The following HEMK1 variants were observed in gnomAD, a reference collection of about 807,000 sequenced individuals.
HEMK1 encodes HemK methyltransferase 1, mitochondrial release factors N(5)-glutamine.
Under a neutral mutation model 47.9 loss-of-function variants are expected in HEMK1, and 36 were observed. That is an observed-to-expected ratio of 0.75 (90% CI 0.58 to 0.99). HEMK1 has a LOEUF of 0.99. Ranked by LOEUF, HEMK1 falls within the 50% of genes least tolerant of loss-of-function variation. HEMK1 has a pLI of 0.00. For missense variants in HEMK1, 383 were observed against 434.5 expected (o/e 0.88, Z 1.05); for synonymous variants, 153 against 165.4 (o/e 0.93, Z 0.57).
At chr3:50,569,379 G>A (rs1700619899), upstream of HEMK1, 1 of 152,308 alleles carries the variant, frequency 6.6e-6, no homozygotes. Flanking sequence ...CCCATCCGCA[G>A]GGGTCTCCTG....
In HEMK1 at chr3:50,590,677, C is replaced by G. The variant is rs2031674992; in HGVS notation, c.*10260C>G. ...GAGGTCTGCCCCAACTGCTCCAGCCCCCATAGCCTGAGGCTCCCGGCACCT... is the reference window on the plus strand; with the variant it reads ...GAGGTCTGCCCCAACTGCTCCAGCCGCCATAGCCTGAGGCTCCCGGCACCT... On this transcript the variant is annotated 3_prime_UTR_variant, in exon 11 of 11. Transcript: ENST00000232854. The G allele has an allele frequency of 6.6e-6, 1 of 152,272 alleles. No individual in the cohort carries two copies. The highest frequency in any genetic ancestry group is 2.4e-5 in the African/African-American group (1 of 41,428). The allele number at this position is 152,272 out of a possible 1,614,324, so 9.4% of individuals were successfully genotyped here.
intron 4 of HEMK1, 93 bp from the exon 5 acceptor site, chr3:50,576,959 T>C: frequency 6.7e-7 from 1 of 1,486,826 alleles, no homozygotes; most frequent in Non-Finnish European, 9.2e-7. Context: ...CTCCCCTTCC[T>C]ACGTTCACAA....
rs2107528164 is a variant in HEMK1, at chr3:50,586,262, T to G, written c.*5845T>G. On this transcript the variant is annotated 3_prime_UTR_variant, in exon 11 of 11. Transcript: ENST00000232854. ...AAGCTTCAAATTCTAGAGGCCCCTTTTCTTCCAAAGACTACCTCTCACACA... is the reference window on the plus strand; with the variant it reads ...AAGCTTCAAATTCTAGAGGCCCCTTGTCTTCCAAAGACTACCTCTCACACA... 1 of 152,386 alleles carries G rather than the reference T, an allele frequency of 6.6e-6. No individual in the cohort carries two copies. The highest frequency in any genetic ancestry group is 2.1e-4 in the South Asian group (1 of 4,832). The allele number at this position is 152,386 out of a possible 1,614,324, so 9.4% of individuals were successfully genotyped here. A position where few individuals can be genotyped will look rare whatever the true frequency, so the allele number is the denominator to read the frequency against.
At chr3:50,577,746 G>T (rs1240151816) in intron 6 of HEMK1, 80 bp from the exon 7 acceptor site, 1 of 1,495,058 alleles carries the variant, frequency 6.7e-7, no homozygotes, top group African/African-American at 1.4e-5. Context: ...GTCCAAGAAG[G>T]GTTGACTATA....
chr3:50,577,242 A>C, intron 5 of HEMK1, 56 bp downstream of exon 5: 4 of 1,556,940 alleles, frequency 2.6e-6, no homozygotes, highest in Non-Finnish European at 1.7e-6. Flanking sequence ...TGTCCCTCCC[A>C]TTAGTGCTTC....
intron 4 of HEMK1, among the ~76,000 whole-genome samples, chr3:50,574,325 G>T (rs1410060404): frequency 6.6e-6 from 1 of 152,186 alleles, no homozygotes; most frequent in Non-Finnish European, 1.5e-5. Context: ...TGGACTCCTT[G>T]GGCTGTTATC....
intron 2 of HEMK1, 32 bp downstream of exon 2, chr3:50,571,364 G>A (rs759089295): frequency 4.8e-6 from 7 of 1,457,120 alleles, no homozygotes; most frequent in Non-Finnish European, 5.6e-6. Flanking sequence ...AGGACAGGAA[G>A]AGGGAGGAGG....
chr3:50,576,946 T>A, intron 4 of HEMK1, 106 bp from the exon 5 acceptor site: 1 of 1,396,434 alleles, frequency 7.2e-7, no homozygotes, highest in Non-Finnish European at 9.9e-7. Context: ...TGGCTTTGGC[T>A]ACCTCCCCTT....
In HEMK1 at chr3:50,571,062, A is replaced by T. The variant is rs1307309478; in HGVS notation, c.-43A>T. The T allele has an allele frequency of 1.7e-5, 25 of 1,464,696 alleles. No homozygotes were observed. In the East Asian group the frequency reaches 5.8e-4, roughly 34 times the overall value. 90.7% of individuals were successfully genotyped at this position (1,464,696 alleles called of 1,614,324 possible). On this transcript the variant is annotated 5_prime_UTR_variant, in exon 2 of 11. Coordinates refer to ENST00000232854, the MANE Select transcript of HEMK1 (RefSeq NM_016173.5). ...CTCAGCAGCTGACATCATAAAGCAG[A>T]CTTGGGAACCTGGAAGCACTCTGGA...
chr3:50,580,124 T>C lies in HEMK1; in HGVS notation c.875T>C (p.Phe292Ser), dbSNP rs1434334812. 1.2e-6 allele frequency: 2 copies of C among 1,613,918 alleles called. No individual in the cohort carries two copies. Among genetic ancestry groups the C allele is most frequent in the African/African-American group, 2.7e-5 (2 of 75,036 alleles). Reference protein sequence around the residue: ...PRLLKDSGSIFLEVDPRHPEL... With the variant: ...PRLLKDSGSISLEVDPRHPEL... The stretch of plus-strand genomic sequence containing the variant: ...ATTTCTCCCCCATGTAGTAGTATCT[T>C]CTTAGAAGTGGACCCAAGGCACCCG... The change falls in exon 10 of 11, where the codon TTC becomes TCC. Residue 292 changes from phenylalanine (F) to serine (S), a missense_variant. Physicochemically the swap from Phe to Ser is radical, Grantham distance 155. Coordinates refer to ENST00000232854, the MANE Select transcript of HEMK1 (RefSeq NM_016173.5).
At chr3:50,573,720 C>T (rs957101357) in intron 4 of HEMK1, among the ~76,000 whole-genome samples, 1 of 152,172 alleles carries the variant, frequency 6.6e-6, no homozygotes, top group Non-Finnish European at 1.5e-5. Flanking sequence ...CTCAAGAGGA[C>T]GTGGCCTGTG....
intron 1 of HEMK1, chr3:50,570,510 G>A (rs1450884807): frequency 6.6e-6 from 1 of 152,282 alleles, no homozygotes; most frequent in Non-Finnish European, 1.5e-5. Context: ...TCTGGTCCCT[G>A]CTGTGTGTTG....
rs757147976 is a variant in HEMK1 at position 50,589,333 on chromosome 3, C to G, written c.*8916C>G. 16 of 152,182 alleles carry G rather than the reference C, an allele frequency of 1.1e-4. No individual in the cohort carries two copies. Among genetic ancestry groups the G allele is most frequent in the Non-Finnish European group, 1.8e-4 (12 of 68,036 alleles). The allele number at this position is 152,182 out of a possible 1,614,324, so 9.4% of individuals were successfully genotyped here. A position where few individuals can be genotyped will look rare whatever the true frequency, so the allele number is the denominator to read the frequency against. ...AGCCTTATCTCAAGCTCAGCACAAACCCTGTTCTCTGAGCACATAGGAAGG... is the reference window on the plus strand; with the variant it reads ...AGCCTTATCTCAAGCTCAGCACAAAGCCTGTTCTCTGAGCACATAGGAAGG... On this transcript the variant is annotated 3_prime_UTR_variant, in exon 11 of 11. Coordinates refer to ENST00000232854, the MANE Select transcript of HEMK1 (RefSeq NM_016173.5).
In HEMK1 at chr3:50,589,417, AT is replaced by A. The variant is rs1302019334; in HGVS notation, c.*9002del. The A allele has an allele frequency of 1.3e-5, 1 of 75,826 alleles. No homozygotes were observed. Among genetic ancestry groups the A allele is most frequent in the Non-Finnish European group, 3.3e-5 (1 of 30,474 alleles). 4.7% of individuals were successfully genotyped at this position (75,826 alleles called of 1,614,324 possible). A position where few individuals can be genotyped will look rare whatever the true frequency, so the allele number is the denominator to read the frequency against. Reference sequence around the variant, plus strand: ...TTTGAGTCTGTGTGTGGTTTTTAAAATTGGGTTTTTTTTTTTTCAATAATTA... The same window carrying A: ...TTTGAGTCTGTGTGTGGTTTTTAAAATGGGTTTTTTTTTTTTCAATAATTA... On this transcript the variant is annotated 3_prime_UTR_variant, in exon 11 of 11. Coordinates refer to ENST00000232854, the MANE Select transcript of HEMK1 (RefSeq NM_016173.5).
At position 50,571,213 on chromosome 3, in the gene HEMK1, G is replaced by T; in HGVS notation, c.109G>T (p.Gly37Trp). 6.2e-7 allele frequency: 1 copy of T among 1,613,912 alleles called. No homozygotes were observed. The highest frequency in any genetic ancestry group is 8.5e-7 in the Non-Finnish European group (1 of 1,179,932). The change falls in exon 2 of 11, where the codon GGG (glycine) becomes TGG (tryptophan). Residue 37 changes from glycine (G) to tryptophan (W), a missense_variant. Coordinates refer to ENST00000232854, the MANE Select transcript of HEMK1 (RefSeq NM_016173.5). ...SSWQPQPPLA[G>W]LSSAIELVSH... ...ATGGCAACCCCAACCACCTCTGGCT[G>T]GGTTATCCAGTGCCATAGAACTGGT...
At chr3:50,579,769 G>C (rs1348049853) in intron 8 of HEMK1, 75 bp from the exon 9 acceptor site, 1 of 1,064,820 alleles carries the variant, frequency 9.4e-7, no homozygotes, top group Non-Finnish European at 1.4e-6. Flanking sequence ...CATTCATGGA[G>C]GCCTTGCCCA....
At position 50,588,707 on chromosome 3, in the gene HEMK1, A is replaced by C. The variant is rs2031547838; in HGVS notation, c.*8290A>C. 6.6e-6 allele frequency: 1 copy of C among 152,272 alleles called. No individual in the cohort carries two copies. The highest frequency in any genetic ancestry group is 6.5e-5 in the Admixed American group (1 of 15,290). The allele number at this position is 152,272 out of a possible 1,614,324, so 9.4% of individuals were successfully genotyped here. A position where few individuals can be genotyped will look rare whatever the true frequency, so the allele number is the denominator to read the frequency against. On this transcript the variant is annotated 3_prime_UTR_variant, in exon 11 of 11. Transcript: ENST00000232854. ...GGGTGGCGTGGACTGACAGACACCC[A>C]GCCCAGTTCCAGACTGAAAGTTGAG...
In HEMK1 at chr3:50,577,549, C is replaced by T; in HGVS notation, c.590C>T (p.Ser197Phe). ...IAVDKREAAISLTHENAQRLR... is the reference protein window; with the variant it reads ...IAVDKREAAIFLTHENAQRLR... ...GTGGATAAGCGGGAAGCTGCTATCT[C>T]TCTGACCCATGAGAATGCTCAGAGG... Residue 197 changes from serine (S) to phenylalanine (F), a missense_variant, in exon 6 of 11, where the codon TCT becomes TTT. Coordinates refer to ENST00000232854, the MANE Select transcript of HEMK1 (RefSeq NM_016173.5). The T allele has an allele frequency of 6.2e-7, 1 of 1,614,144 alleles. No homozygotes were observed. Among genetic ancestry groups the T allele is most frequent in the Non-Finnish European group, 8.5e-7 (1 of 1,180,006 alleles).
At chr3:50,577,235 C>G (rs762965991) in intron 5 of HEMK1, 49 bp downstream of exon 5, 1 of 1,570,620 alleles carries the variant, frequency 6.4e-7, no homozygotes, top group Non-Finnish European at 8.6e-7. Context: ...CACTCACTGT[C>G]CCTCCCATTA....
Sources: allele counts gnomAD v4.1 joint callset (sites outside exome capture counted in the v4.1 genomes callset), GRCh38; gene constraint gnomAD v4.1.1; transcripts MANE v1.5; gene names NCBI Gene and HGNC (gene_info 2026-07-23, HGNC 2026-07-21).